The following NLRP7 variants were observed in gnomAD, a reference collection of about 807,000 sequenced individuals.
NLRP7 encodes the protein NACHT, LRR and PYD domains-containing protein 7.
Under a neutral mutation model 85.5 loss-of-function variants are expected in NLRP7, and 72 were observed. That is an observed-to-expected ratio of 0.84 (90% CI 0.70 to 1.02). The LOEUF is 1.02. NLRP7 is among the 50% of genes least tolerant of loss of function. The pLI is 0.00. For synonymous variants in NLRP7, 550 were observed against 505.2 expected (o/e 1.09, Z -1.19); for missense variants, 1,243 against 1,219.5 (o/e 1.02, Z -0.29).
At chr19:54,931,275 C>T (rs1053695939) in intron 8 of NLRP7, among the ~76,000 whole-genome samples, 1 of 151,806 alleles carries the variant, frequency 6.6e-6, no homozygotes, top group Admixed American at 6.6e-5. Context: ...ATACAAAAAT[C>T]GGGCCGGGCG....
intron 1 of NLRP7, among the ~76,000 whole-genome samples, chr19:54,960,751 G>A (rs1032566837): frequency 2.0e-5 from 3 of 151,578 alleles, no homozygotes; most frequent in Non-Finnish European, 4.4e-5. Flanking sequence ...ACCCGCCACC[G>A]TGCCCAGCTA....
chr19:54,937,034 C>T lies in NLRP7; in HGVS notation c.2130-603G>A, dbSNP rs534493095. Reference sequence around the variant, plus strand: ...GAGATCAAGACCATCCTGGCTAACACGGTGAAACCCCGTCTTTACTAAAAT... The same window carrying T: ...GAGATCAAGACCATCCTGGCTAACATGGTGAAACCCCGTCTTTACTAAAAT... On this transcript the variant is annotated intron_variant, in intron 5 of 9. Coordinates refer to ENST00000340844, the Ensembl canonical transcript of NLRP7. 2.6e-5 allele frequency among the ~76,000 whole-genome samples: 4 copies of T among 151,684 alleles called. No individual in the cohort carries two copies. In the South Asian group the frequency reaches 6.2e-4, roughly 24 times the overall value.
chr19:54,939,520 C>T, exon 4 of NLRP7: 3 of 1,613,828 alleles, frequency 1.9e-6, no homozygotes, highest in Non-Finnish European at 2.5e-6. Flanking sequence ...TTTCCAGGTC[C>T]TCTCGGTGGA....
intron 1 of NLRP7, among the ~76,000 whole-genome samples, chr19:54,962,814 T>C (rs1006115366): frequency 1.3e-4 from 19 of 150,310 alleles, no homozygotes; most frequent in Admixed American, 1.1e-3. Flanking sequence ...TTAGCCAGGA[T>C]GGTCTCCATC....
chr19:54,959,510 C>T (rs1241230773), intron 1 of NLRP7, among the ~76,000 whole-genome samples: 1 of 151,334 alleles, frequency 6.6e-6, no homozygotes, highest in East Asian at 1.9e-4. Context: ...TCTCTCTTCC[C>T]TCACCAGCAC....
At chr19:54,926,192 TATA>T (rs1267826611) in intron 9 of NLRP7, among the ~76,000 whole-genome samples, 4 of 131,768 alleles carry the variant, frequency 3.0e-5, no homozygotes, top group African/African-American at 1.1e-4. Flanking sequence ...TATTTTTGGA[TATA>T]ATGATTAGGG....
upstream of NLRP7, among the ~76,000 whole-genome samples, chr19:54,951,272 C>T (rs1374166889): frequency 1.3e-5 from 2 of 152,164 alleles, no homozygotes; most frequent in Non-Finnish European, 2.9e-5. Flanking sequence ...GTAGACCAGG[C>T]ACAGTGGCTC....
intron 7 of NLRP7, 136 bp from the exon 8 acceptor site, chr19:54,933,875 A>G: frequency 1.3e-6 from 1 of 776,204 alleles, no homozygotes; most frequent in African/African-American, 1.7e-5. Flanking sequence ...TGTGGGAGTC[A>G]TCATGGCCAC....
At chr19:54,940,364 A>G in exon 4 of NLRP7, 1 of 1,614,006 alleles carries the variant, frequency 6.2e-7, no homozygotes, top group East Asian at 2.2e-5. Context: ...TTGGTTTCTC[A>G]GAGTGACGTC....
At chr19:54,954,542 A>AT (rs1460494854) in intron 1 of NLRP7, among the ~76,000 whole-genome samples, 2 of 149,948 alleles carry the variant, frequency 1.3e-5, no homozygotes, top group Non-Finnish European at 3.0e-5. Context: ...AAAAAAAAAA[A>AT]AAAAAAAAAA....
chr19:54,942,432 C>G (rs531693781), intron 1 of NLRP7, among the ~76,000 whole-genome samples: 137 of 150,200 alleles, frequency 9.1e-4, no homozygotes, highest in African/African-American at 3.2e-3. Context: ...CCACAGAAAT[C>G]AGCAAACACG....
chr19:54,940,780 C>T (rs903951596), intron 3 of NLRP7, 151 bp downstream of exon 3: 13 of 703,602 alleles, frequency 1.8e-5, no homozygotes, highest in Admixed American at 1.8e-4. Flanking sequence ...TGAGCAGAGA[C>T]GGAGCCACTA....
exon 10 of NLRP7, chr19:54,923,711 G>A (rs1358612154): frequency 6.2e-7 from 1 of 1,611,854 alleles, no homozygotes; most frequent in Non-Finnish European, 8.5e-7. Context: ...CCCGCTTCCT[G>A]TGTAATTCGT....
chr19:54,924,619 C>A (rs749925589), intron 9 of NLRP7, among the ~76,000 whole-genome samples: 1 of 151,850 alleles, frequency 6.6e-6, no homozygotes, highest in Admixed American at 6.6e-5. Flanking sequence ...GTAAAACATG[C>A]CTTTAAAAAA....
intron 1 of NLRP7, among the ~76,000 whole-genome samples, chr19:54,943,518 G>A (rs530154016): frequency 4.0e-5 from 6 of 150,682 alleles, no homozygotes; most frequent in African/African-American, 9.8e-5. Context: ...GGAGAATGGC[G>A]GGAACCCGGG....
intron 5 of NLRP7, among the ~76,000 whole-genome samples, chr19:54,937,788 T>G (rs1345853856): frequency 2.0e-5 from 3 of 149,500 alleles, no homozygotes; most frequent in African/African-American, 7.4e-5. Context: ...TCCCAGCTAC[T>G]CGGGAGGCTG....
At chr19:54,929,241 C>T (rs553882196) in intron 9 of NLRP7, among the ~76,000 whole-genome samples, 2 of 151,854 alleles carry the variant, frequency 1.3e-5, no homozygotes, top group Non-Finnish European at 1.5e-5. Flanking sequence ...TGGTGGTGCA[C>T]GCCTGTAATC....
At chr19:54,960,659 G>T (rs949110822) in intron 1 of NLRP7, among the ~76,000 whole-genome samples, 1 of 148,954 alleles carries the variant, frequency 6.7e-6, no homozygotes, top group African/African-American at 2.4e-5. Flanking sequence ...GCAGTGGTGT[G>T]ATGGTGGCTC....
In NLRP7 at chr19:54,927,953, C is replaced by T. The variant is rs12979871; in HGVS notation, c.2810+2546G>A. Reference sequence around the variant, plus strand: ...CTAAAAATACAAAGATTAGGCAGGGCGTGGGGACAGACACCTGTAGCCCCA... The same window carrying T: ...CTAAAAATACAAAGATTAGGCAGGGTGTGGGGACAGACACCTGTAGCCCCA... On this transcript the variant is annotated intron_variant, in intron 9 of 9. Coordinates refer to ENST00000340844, the Ensembl canonical transcript of NLRP7. Among the ~76,000 whole-genome samples, 10,211 of 152,078 alleles carry T rather than the reference C, an allele frequency of 0.067. 350 individuals are homozygous for T. The highest frequency in any genetic ancestry group is 0.15 in the East Asian group (768 of 5,172).
Sources: allele counts gnomAD v4.1 joint callset (sites outside exome capture counted in the v4.1 genomes callset), GRCh38; gene constraint gnomAD v4.1.1; transcripts MANE v1.5; gene names NCBI Gene and HGNC (gene_info 2026-07-23, HGNC 2026-07-21).